The following CNTNAP5 variants were observed in gnomAD, a reference collection of about 807,000 sequenced individuals.
CNTNAP5 encodes contactin associated protein family member 5.
A neutral mutation model predicts 150.2 loss-of-function variants in CNTNAP5; 72 were observed. That is an observed-to-expected ratio of 0.48 (90% CI 0.40 to 0.58). CNTNAP5 has a LOEUF of 0.58. Among genes scored for constraint, CNTNAP5 ranks in the 20% least tolerant of loss-of-function variants. CNTNAP5 has a pLI of 0.00. For synonymous variants in CNTNAP5, 672 were observed against 619.8 expected (o/e 1.08, Z -1.25); for missense variants, 1,636 against 1,626.2 (o/e 1.01, Z -0.10).
chr2:124,592,164 A>G (rs1696699423), intron 11 of CNTNAP5, among the ~76,000 whole-genome samples: 1 of 152,104 alleles, frequency 6.6e-6, no homozygotes, highest in Non-Finnish European at 1.5e-5. Context: ...GCAAGCACAA[A>G]TGGTGTTTTT....
chr2:124,885,735 C>T (rs770941682), intron 21 of CNTNAP5, among the ~76,000 whole-genome samples: 1 of 151,968 alleles, frequency 6.6e-6, no homozygotes, highest in South Asian at 2.1e-4. Flanking sequence ...CATTTTGTAT[C>T]TCACTTCTTT....
At chr2:124,904,645 T>C (rs1473878377) in intron 22 of CNTNAP5, among the ~76,000 whole-genome samples, 2 of 152,116 alleles carry the variant, frequency 1.3e-5, no homozygotes, top group Non-Finnish European at 2.9e-5. Flanking sequence ...GCTTATTCAA[T>C]AAATTGTGAT....
At chr2:124,084,324 T>A (rs1478820295) in intron 1 of CNTNAP5, among the ~76,000 whole-genome samples, 1 of 151,946 alleles carries the variant, frequency 6.6e-6, no homozygotes, top group African/African-American at 2.4e-5. Context: ...TGGAGTGCAG[T>A]GGCTCAATCT....
chr2:124,908,401 A>G (rs1438587572), intron 22 of CNTNAP5, among the ~76,000 whole-genome samples: 4 of 152,018 alleles, frequency 2.6e-5, no homozygotes, highest in Non-Finnish European at 4.4e-5. Context: ...AAAAAACAAA[A>G]CAAAACAAAA....
At position 124,919,749 on chromosome 2, in the gene CNTNAP5, C is replaced by T. The variant is rs1404047373; in HGVS notation, c.*5461C>T. ...CTTCCAACACTTCTTCAGTCACATTCTTTTTTTTCAATTTTTAAATTTTTT... is the reference window on the plus strand; with the variant it reads ...CTTCCAACACTTCTTCAGTCACATTTTTTTTTTTCAATTTTTAAATTTTTT... On this transcript the variant is annotated 3_prime_UTR_variant, in exon 24 of 24. Transcript: ENST00000682447. Among the ~76,000 whole-genome samples, 1 of 151,630 alleles carries T rather than the reference C, an allele frequency of 6.6e-6. No homozygotes were observed. Among genetic ancestry groups the T allele is most frequent in the African/African-American group, 2.4e-5 (1 of 41,254 alleles).
At chr2:124,156,928 A>T (rs1252064503) in intron 1 of CNTNAP5, among the ~76,000 whole-genome samples, 1 of 152,218 alleles carries the variant, frequency 6.6e-6, no homozygotes, top group Non-Finnish European at 1.5e-5. Flanking sequence ...TAAGGACCAT[A>T]ACATTACCTA....
chr2:124,521,261 G>A (rs1365859623), intron 8 of CNTNAP5, among the ~76,000 whole-genome samples: 2 of 152,268 alleles, frequency 1.3e-5, no homozygotes, highest in East Asian at 3.9e-4. Flanking sequence ...GGCAATACCT[G>A]CATTGAGAAC....
intron 4 of CNTNAP5, among the ~76,000 whole-genome samples, chr2:124,426,713 T>C (rs1330017694): frequency 2.0e-5 from 3 of 152,134 alleles, no homozygotes; most frequent in African/African-American, 7.2e-5. Flanking sequence ...AGTGAAGCCC[T>C]TTTTTTAGCT....
intron 1 of CNTNAP5, among the ~76,000 whole-genome samples, chr2:124,051,877 A>G (rs1484502834): frequency 6.6e-6 from 1 of 152,182 alleles, no homozygotes; most frequent in Non-Finnish European, 1.5e-5. Context: ...GAAGTAGAAC[A>G]AGGTGTCTCA....
intron 2 of CNTNAP5, among the ~76,000 whole-genome samples, chr2:124,229,557 A>G (rs984438653): frequency 2.6e-5 from 4 of 152,190 alleles, no homozygotes; most frequent in African/African-American, 9.6e-5. Context: ...ACACAACAAA[A>G]TACATTAAAT....
chr2:124,602,485 A>ATTTG (rs971458457), intron 11 of CNTNAP5, among the ~76,000 whole-genome samples: 1 of 150,132 alleles, frequency 6.7e-6, no homozygotes, highest in African/African-American at 2.5e-5. Context: ...CATCTTATTT[A>ATTTG]TTTGTTTGTT....
chr2:124,879,388 C>G (rs976537432), intron 21 of CNTNAP5, among the ~76,000 whole-genome samples: 1 of 152,166 alleles, frequency 6.6e-6, no homozygotes, highest in Admixed American at 6.5e-5. Context: ...AAGGTTATCA[C>G]ACTACCCATG....
chr2:124,883,070 CT>C (rs61340026), intron 21 of CNTNAP5, among the ~76,000 whole-genome samples: 5,574 of 141,950 alleles, frequency 0.039, 233 homozygotes, highest in African/African-American at 0.12. Context: ...CATCCATTCT[CT>C]TTTTTTTTTT....
At chr2:124,444,359 T>A (rs1342315980) in intron 5 of CNTNAP5, among the ~76,000 whole-genome samples, 1 of 151,988 alleles carries the variant, frequency 6.6e-6, no homozygotes, top group African/African-American at 2.4e-5. Flanking sequence ...CTTTGGGAAG[T>A]CGGGGCAGCA....
chr2:124,134,211 T>C lies in CNTNAP5; in HGVS notation c.83-87494T>C, dbSNP rs894806152. On this transcript the variant is annotated intron_variant, in intron 1 of 23. Coordinates refer to ENST00000682447, the MANE Select transcript of CNTNAP5 (RefSeq NM_001367498.1). ...TGAGCTTCTCAGGGGTTCGTTCCAC[T>C]GGACCATTAGTTGCCTAATCCTACC... 1.4e-4 allele frequency among the ~76,000 whole-genome samples: 21 copies of C among 152,296 alleles called. No homozygotes were observed. The Middle Eastern group carries it at 0.01, about 74-fold the overall frequency.
At chr2:124,492,760 T>C (rs1434315438) in intron 7 of CNTNAP5, among the ~76,000 whole-genome samples, 1 of 152,170 alleles carries the variant, frequency 6.6e-6, no homozygotes, top group East Asian at 1.9e-4. Context: ...GTTTATTTTA[T>C]TTTCATATAG....
chr2:124,806,394 C>T (rs999755716), intron 19 of CNTNAP5, among the ~76,000 whole-genome samples: 5 of 152,098 alleles, frequency 3.3e-5, no homozygotes, highest in Non-Finnish European at 7.3e-5. Flanking sequence ...CATGAATATA[C>T]ATTGCATTAA....
rs773945775 is a variant in CNTNAP5, at chr2:124,527,423, A to T, written c.1616A>T (p.Asp539Val). 6.2e-7 allele frequency: 1 copy of T among 1,613,708 alleles called. No homozygotes were observed. The highest frequency in any genetic ancestry group is 8.5e-7 in the Non-Finnish European group (1 of 1,179,686). The change falls in exon 10 of 24, where the codon GAT becomes GTT. Residue 539 changes from aspartate (D) to valine (V), a missense_variant. Transcript: ENST00000682447. Reference sequence around the variant, plus strand: ...CAAGGTTCCCTGGGGAATTTTAGTGATTTACACATTGATCTGTGTAGCATC... The same window carrying T: ...CAAGGTTCCCTGGGGAATTTTAGTGTTTTACACATTGATCTGTGTAGCATC... ...VQQGSLGNFS[D>V]LHIDLCSIKD...
chr2:124,728,030 C>A (rs1680197168), intron 13 of CNTNAP5, among the ~76,000 whole-genome samples: 1 of 151,894 alleles, frequency 6.6e-6, no homozygotes, highest in African/African-American at 2.4e-5. Flanking sequence ...TTGAATTTTG[C>A]AAATATTTTT....
Sources: allele counts gnomAD v4.1 joint callset (sites outside exome capture counted in the v4.1 genomes callset), GRCh38; gene constraint gnomAD v4.1.1; transcripts MANE v1.5; gene names NCBI Gene and HGNC (gene_info 2026-07-23, HGNC 2026-07-21).